Variants in PSD3 observed in about 807,000 individuals in gnomAD.
PSD3 encodes pleckstrin and Sec7 domain containing 3.
A neutral mutation model predicts 105.5 loss-of-function variants in PSD3; 49 were observed. That is an observed-to-expected ratio of 0.46 (90% confidence interval 0.37 to 0.59). The LOEUF is 0.59. Ranked by LOEUF, PSD3 falls within the 20% of genes least tolerant of loss-of-function variation. The pLI, the probability that PSD3 is intolerant of heterozygous loss-of-function variation, is 0.00. For missense variants in PSD3, 1,561 were observed against 1,263.8 expected, an observed-to-expected ratio of 1.24 and a Z score of -3.57; for synonymous variants, 557 against 457.8, an observed-to-expected ratio of 1.22 and a Z score of -2.77.
At chr8:18,993,907 T>A (rs1825933060) in intron 1 of PSD3, among the ~76,000 whole-genome samples, 1 of 152,038 alleles carries the variant, frequency 6.6e-6, no homozygotes, top group Non-Finnish European at 1.5e-5. Flanking sequence ...ATCAATCACT[T>A]TTTTCAGCTA....
At chr8:18,620,423 T>C (rs1806030963) in intron 11 of PSD3, among the ~76,000 whole-genome samples, 1 of 151,180 alleles carries the variant, frequency 6.6e-6, no homozygotes, top group Admixed American at 6.6e-5. Context: ...TTATGGAGTT[T>C]GGAGGGCCAG....
At chr8:18,590,272 G>A (rs1269848766) in intron 12 of PSD3, among the ~76,000 whole-genome samples, 2 of 152,096 alleles carry the variant, frequency 1.3e-5, no homozygotes, top group Non-Finnish European at 2.9e-5. Flanking sequence ...TCTCAGTGGT[G>A]CAAGCGTGCA....
At chr8:18,641,779 G>A (rs1226703688) in intron 10 of PSD3, among the ~76,000 whole-genome samples, 3 of 152,296 alleles carry the variant, frequency 2.0e-5, no homozygotes, top group Non-Finnish European at 4.4e-5. Context: ...TCAGATGATT[G>A]CAGGAAAATA....
rs912372067 is a variant in PSD3 at position 18,744,558 on chromosome 8, T to C, written c.2172+20891A>G. 3.3e-4 allele frequency among the ~76,000 whole-genome samples: 51 copies of C among 152,252 alleles called. 1 individual carries two copies. Among genetic ancestry groups the C allele is most frequent in the Admixed American group, 2.7e-3 (42 of 15,282 alleles). ...GCTGCTTTTAATGTCCTTGTACACA[T>C]ACCTTTGTACGTTTAACTACCCAGC... On this transcript the variant is annotated intron_variant, in intron 9 of 15. Transcript: ENST00000327040.
intron 2 of PSD3, among the ~76,000 whole-genome samples, chr8:18,920,392 G>C (rs752516036): frequency 3.9e-5 from 6 of 152,160 alleles, no homozygotes; most frequent in Non-Finnish European, 5.9e-5. Context: ...TCAGACACTT[G>C]CTTGTACCTA....
intron 9 of PSD3, among the ~76,000 whole-genome samples, chr8:18,687,397 T>C (rs751220600): frequency 3.9e-5 from 6 of 151,956 alleles, no homozygotes; most frequent in Non-Finnish European, 7.4e-5. Context: ...GCCCAGGAGG[T>C]TGAGGTTGCA....
intron 9 of PSD3, among the ~76,000 whole-genome samples, chr8:18,694,640 T>C (rs1801161614): frequency 6.6e-6 from 1 of 150,894 alleles, no homozygotes; most frequent in South Asian, 2.1e-4. Flanking sequence ...AAGTTCCTTC[T>C]CTAGATGGAA....
At chr8:18,852,179 A>C (rs1370863450) in intron 4 of PSD3, among the ~76,000 whole-genome samples, 3 of 152,208 alleles carry the variant, frequency 2.0e-5, no homozygotes, top group Non-Finnish European at 4.4e-5. Context: ...TTTAGTACTT[A>C]ATTCTTTTAG....
intron 9 of PSD3, among the ~76,000 whole-genome samples, chr8:18,681,286 T>C (rs747041706): frequency 4.6e-5 from 7 of 151,890 alleles, no homozygotes; most frequent in Non-Finnish European, 8.8e-5. Context: ...AGTCAGATAA[T>C]CAAAAATGCT....
intron 1 of PSD3, among the ~76,000 whole-genome samples, chr8:19,064,902 T>C (rs1018799540): frequency 4.6e-5 from 7 of 152,202 alleles, no homozygotes; most frequent in Admixed American, 6.5e-5. Flanking sequence ...ATAAACTTCA[T>C]AGGAGGCCAT....
intron 1 of PSD3, among the ~76,000 whole-genome samples, chr8:18,991,951 A>C (rs1003917514): frequency 4.6e-5 from 7 of 152,172 alleles, no homozygotes; most frequent in Non-Finnish European, 8.8e-5. Flanking sequence ...AACAAGTTTT[A>C]CCCTCATTGT....
At chr8:18,976,393 A>G (rs965085389) in intron 1 of PSD3, among the ~76,000 whole-genome samples, 2 of 152,198 alleles carry the variant, frequency 1.3e-5, no homozygotes, top group Non-Finnish European at 2.9e-5. Flanking sequence ...CCAGGACTAG[A>G]AAGGTACAGT....
chr8:18,873,526 CA>C (rs1257832528), intron 2 of PSD3, among the ~76,000 whole-genome samples: 1 of 152,086 alleles, frequency 6.6e-6, no homozygotes, highest in Non-Finnish European at 1.5e-5. Flanking sequence ...CTAGCTAAAT[CA>C]AGCTAATTAA....
intron 2 of PSD3, among the ~76,000 whole-genome samples, chr8:18,892,986 G>C (rs1232307093): frequency 6.6e-6 from 1 of 152,156 alleles, no homozygotes; most frequent in Admixed American, 6.5e-5. Flanking sequence ...CAAAATATTA[G>C]TGCAACTGAT....
intron 1 of PSD3, among the ~76,000 whole-genome samples, chr8:19,075,178 C>T (rs1205726134): frequency 6.6e-6 from 1 of 150,570 alleles, no homozygotes; most frequent in African/African-American, 2.4e-5. Flanking sequence ...GAACTCCGGA[C>T]TTCAAGTGAT....
chr8:18,545,710 G>A (rs771482539), intron 15 of PSD3, among the ~76,000 whole-genome samples: 4 of 152,132 alleles, frequency 2.6e-5, no homozygotes, highest in African/African-American at 4.8e-5. Context: ...TTAATCTTTT[G>A]GTTTACACTT....
In PSD3 at chr8:18,534,277, T is replaced by C. The variant is rs550774928; in HGVS notation, c.*1466A>G. ...ACTATTAGTTCTGAAGTTGTGCCAC[T>C]TGCGGAGATTTTAACTTTAGGGATT... On this transcript the variant is annotated 3_prime_UTR_variant, in exon 16 of 16. Coordinates refer to ENST00000327040, the MANE Select transcript of PSD3 (RefSeq NM_015310.4). 1.3e-5 allele frequency: 2 copies of C among 152,688 alleles called. No homozygotes were observed. Among genetic ancestry groups the C allele is most frequent in the South Asian group, 4.1e-4 (2 of 4,824 alleles). 9.5% of individuals were successfully genotyped at this position (152,688 alleles called of 1,614,324 possible).
intron 9 of PSD3, among the ~76,000 whole-genome samples, chr8:18,675,479 G>T (rs78687091): frequency 0.026 from 3,990 of 152,206 alleles, 170 homozygotes; most frequent in East Asian, 0.15. Flanking sequence ...CAGTGCCTTG[G>T]GGGGCATTTC....
intron 9 of PSD3, among the ~76,000 whole-genome samples, chr8:18,664,453 G>T (rs937079948): frequency 6.6e-6 from 1 of 152,156 alleles, no homozygotes; most frequent in Non-Finnish European, 1.5e-5. Flanking sequence ...CTTCCACCCT[G>T]CAAAAGCTGA....
Sources: gnomAD v4.1 joint callset for allele counts (sites outside exome capture counted in the v4.1 genomes callset) on GRCh38, gnomAD v4.1.1 for gene constraint, MANE v1.5 for transcripts, NCBI Gene and HGNC (gene_info 2026-07-23, HGNC 2026-07-21) for gene names.